The following SGCZ variants were observed in gnomAD, a reference collection of about 807,000 sequenced individuals.
SGCZ encodes zeta-sarcoglycan.
SGCZ carries 40 observed loss-of-function variants against 41.3 expected under a neutral mutation model. That is an observed-to-expected ratio of 0.97 (90% CI 0.75 to 1.26). SGCZ has a LOEUF of 1.26. Among genes scored for constraint, SGCZ ranks in the 50% most tolerant of loss-of-function variants. SGCZ has a pLI of 0.00. For missense variants in SGCZ, 552 were observed against 369.8 expected, an observed-to-expected ratio of 1.49 and a Z score of -4.04; for synonymous variants, 206 against 137.5, an observed-to-expected ratio of 1.50 and a Z score of -3.49.
At chr8:14,734,700 A>T (rs1157766495) in intron 1 of SGCZ, among the ~76,000 whole-genome samples, 1 of 152,116 alleles carries the variant, frequency 6.6e-6, no homozygotes, top group African/African-American at 2.4e-5. Context: ...CTTCCTCTAC[A>T]TTAAGTGCTC....
chr8:14,515,678 T>G (rs182742374), intron 2 of SGCZ, among the ~76,000 whole-genome samples: 64 of 152,252 alleles, frequency 4.2e-4, no homozygotes, highest in African/African-American at 1.5e-3. Flanking sequence ...TCTGGGTCTT[T>G]GAGACCTGTG....
At chr8:14,548,791 T>A (rs1311566273) in intron 2 of SGCZ, among the ~76,000 whole-genome samples, 1 of 152,156 alleles carries the variant, frequency 6.6e-6, no homozygotes, top group Non-Finnish European at 1.5e-5. Flanking sequence ...AAAATCAGAA[T>A]ATCCTGCATA....
intron 1 of SGCZ, among the ~76,000 whole-genome samples, chr8:14,573,963 T>C (rs1804635141): frequency 6.6e-6 from 1 of 152,152 alleles, no homozygotes; most frequent in African/African-American, 2.4e-5. Flanking sequence ...GCACAGAGGA[T>C]ACATGCATAC....
At chr8:15,118,445 T>C (rs1294955326) in intron 1 of SGCZ, among the ~76,000 whole-genome samples, 1 of 152,152 alleles carries the variant, frequency 6.6e-6, no homozygotes, top group Non-Finnish European at 1.5e-5. Flanking sequence ...TCCCCAGAAC[T>C]GCCTACTAAG....
intron 4 of SGCZ, among the ~76,000 whole-genome samples, chr8:14,210,966 A>T (rs1805785302): frequency 6.6e-6 from 1 of 152,194 alleles, no homozygotes; most frequent in African/African-American, 2.4e-5. Flanking sequence ...AAGACTCTGC[A>T]TTGGAAATGA....
At chr8:14,732,803 A>G (rs1798905591) in intron 1 of SGCZ, among the ~76,000 whole-genome samples, 1 of 152,076 alleles carries the variant, frequency 6.6e-6, no homozygotes. Context: ...AACTGCAATT[A>G]TCTCTTTTGT....
At chr8:14,904,249 G>C (rs561294280) in intron 1 of SGCZ, among the ~76,000 whole-genome samples, 1 of 152,082 alleles carries the variant, frequency 6.6e-6, no homozygotes, top group African/African-American at 2.4e-5. Context: ...GGGAAAATAC[G>C]CTTGATTTCT....
chr8:14,635,698 T>C (rs1024860276), intron 1 of SGCZ, among the ~76,000 whole-genome samples: 17 of 151,872 alleles, frequency 1.1e-4, no homozygotes, highest in Admixed American at 7.9e-4. Flanking sequence ...ATTAAATTTC[T>C]GGGTGGAAGC....
chr8:14,697,369 A>C (rs6995277), intron 1 of SGCZ, among the ~76,000 whole-genome samples: 57,898 of 151,582 alleles, frequency 0.38, 13,665 homozygotes, highest in Non-Finnish European at 0.54. Flanking sequence ...GATTAAATGA[A>C]ACAATTCACA....
At chr8:14,647,024 G>A (rs944845646) in intron 1 of SGCZ, among the ~76,000 whole-genome samples, 7 of 151,900 alleles carry the variant, frequency 4.6e-5, no homozygotes, top group Admixed American at 2.0e-4. Flanking sequence ...ATAACTTTAG[G>A]TGGTCTTGTG....
At chr8:15,051,217 G>C (rs1054116469) in intron 1 of SGCZ, among the ~76,000 whole-genome samples, 1 of 152,156 alleles carries the variant, frequency 6.6e-6, no homozygotes, top group African/African-American at 2.4e-5. Context: ...CGTAAAGAAA[G>C]AGGCACAAAG....
At chr8:14,516,492 C>T (rs1249548980) in intron 2 of SGCZ, among the ~76,000 whole-genome samples, 4 of 151,952 alleles carry the variant, frequency 2.6e-5, no homozygotes, top group African/African-American at 9.7e-5. Flanking sequence ...TAGGACAAAT[C>T]AAATGGATTT....
intron 3 of SGCZ, among the ~76,000 whole-genome samples, chr8:14,249,850 C>A (rs970937593): frequency 2.0e-5 from 3 of 152,014 alleles, no homozygotes; most frequent in Non-Finnish European, 4.4e-5. Context: ...AGCCTCCTTG[C>A]AAGATGGCAA....
intron 1 of SGCZ, among the ~76,000 whole-genome samples, chr8:14,915,952 T>A (rs896310331): frequency 2.0e-5 from 3 of 152,220 alleles, no homozygotes; most frequent in Admixed American, 2.0e-4. Flanking sequence ...GTTAGCCATT[T>A]TAACATGTGT....
chr8:14,161,697 A>G (rs1021965250), intron 5 of SGCZ, among the ~76,000 whole-genome samples: 17 of 152,192 alleles, frequency 1.1e-4, no homozygotes, highest in African/African-American at 3.9e-4. Context: ...AGTATATGAC[A>G]TAGACTTCTA....
chr8:14,462,084 A>G (rs56112756), intron 2 of SGCZ, among the ~76,000 whole-genome samples: 32,937 of 151,948 alleles, frequency 0.22, 4,257 homozygotes, highest in Non-Finnish European at 0.3. Context: ...TTAAAATATC[A>G]TTCTATATTA....
chr8:14,951,910 A>G (rs1248000280), intron 1 of SGCZ, among the ~76,000 whole-genome samples: 1 of 152,054 alleles, frequency 6.6e-6, no homozygotes, highest in Non-Finnish European at 1.5e-5. Flanking sequence ...AACAAATACC[A>G]TTTGCTTGCC....
intron 1 of SGCZ, among the ~76,000 whole-genome samples, chr8:14,661,886 C>G (rs1368874369): frequency 6.6e-6 from 1 of 151,428 alleles, no homozygotes; most frequent in Non-Finnish European, 1.5e-5. Context: ...TTGGCTTGTC[C>G]CCAGAGACAA....
At chr8:15,212,674 T>C (rs1460426227) in intron 1 of SGCZ, among the ~76,000 whole-genome samples, 1 of 152,042 alleles carries the variant, frequency 6.6e-6, no homozygotes, top group African/African-American at 2.4e-5. Context: ...AACAAAACTG[T>C]TTTGGCATCT....
Sources: gnomAD v4.1 joint callset for allele counts (sites outside exome capture counted in the v4.1 genomes callset) on GRCh38, gnomAD v4.1.1 for gene constraint, MANE v1.5 for transcripts, NCBI Gene and HGNC (gene_info 2026-07-23, HGNC 2026-07-21) for gene names.